KCNIP1: variants seen among roughly 807,000 people sequenced by gnomAD.
KCNIP1 encodes potassium voltage-gated channel interacting protein 1.
KCNIP1 carries 18 observed loss-of-function variants against 33.0 expected under a neutral mutation model. The observed-to-expected ratio is 0.55, with a 90% CI of 0.38 to 0.81. The LOEUF is 0.81. Among genes scored for constraint, KCNIP1 ranks in the 30% least tolerant of loss-of-function variants. The probability of loss-of-function intolerance (pLI) is 0.00; values close to 1 mark genes in which losing one functional copy is unlikely to be tolerated. For synonymous variants in KCNIP1, 93 were observed against 98.3 expected, an observed-to-expected ratio of 0.95 and a Z score of 0.32; for missense variants, 238 against 271.6, an observed-to-expected ratio of 0.88 and a Z score of 0.87.
In KCNIP1 at chr5:170,512,061, G is replaced by A. The variant is rs115606360; in HGVS notation, c.61+7428G>A. ...ATCTGTTTCCATTTCATCTGACACT[G>A]TGGAAGCCTGAATATGAAATGATTG... On this transcript the variant is annotated intron_variant, in intron 1 of 7. Transcript: ENST00000328939. Among the ~76,000 whole-genome samples the A allele has an allele frequency of 3.2e-3, 492 of 152,280 alleles. 2 individuals carry two copies. Among genetic ancestry groups the A allele is most frequent in the African/African-American group, 0.011 (464 of 41,556 alleles).
intron 1 of KCNIP1, among the ~76,000 whole-genome samples, chr5:170,591,349 G>A (rs1758252352): frequency 7.0e-6 from 1 of 143,662 alleles, no homozygotes; most frequent in African/African-American, 2.6e-5. Context: ...AGCGGTGGAA[G>A]CTCTACTTAG....
intron 1 of KCNIP1, among the ~76,000 whole-genome samples, chr5:170,709,300 T>G (rs538985565): frequency 6.6e-6 from 1 of 152,330 alleles, no homozygotes; most frequent in East Asian, 1.9e-4. Context: ...ATTCTATCAG[T>G]CTTTGCTTTA....
intron 1 of KCNIP1, among the ~76,000 whole-genome samples, chr5:170,471,542 G>A (rs1419804632): frequency 6.6e-6 from 1 of 152,186 alleles, no homozygotes; most frequent in Non-Finnish European, 1.5e-5. Flanking sequence ...AGCTGCCACA[G>A]TTACTAGTGG....
chr5:170,523,475 A>T (rs1755447055), intron 1 of KCNIP1, among the ~76,000 whole-genome samples: 1 of 152,204 alleles, frequency 6.6e-6, no homozygotes, highest in Non-Finnish European at 1.5e-5. Context: ...TGATTCTCAG[A>T]GTCGACTTTG....
At chr5:170,497,702 T>G (rs757243193) in intron 1 of KCNIP1, among the ~76,000 whole-genome samples, 2 of 152,206 alleles carry the variant, frequency 1.3e-5, no homozygotes, top group African/African-American at 4.8e-5. Flanking sequence ...CCAAGCATAG[T>G]GCTGGCACCC....
At chr5:170,487,976 G>A (rs1202343835) in intron 1 of KCNIP1, among the ~76,000 whole-genome samples, 2 of 152,116 alleles carry the variant, frequency 1.3e-5, no homozygotes, top group Non-Finnish European at 2.9e-5. Flanking sequence ...TTCCTCAAGA[G>A]TTAGCCCTTC....
intron 1 of KCNIP1, among the ~76,000 whole-genome samples, chr5:170,454,153 G>T (rs1445022921): frequency 6.6e-6 from 1 of 152,204 alleles, no homozygotes; most frequent in Non-Finnish European, 1.5e-5. Flanking sequence ...ATTCCTAGAA[G>T]AATAATTCAT....
intron 1 of KCNIP1, among the ~76,000 whole-genome samples, chr5:170,532,737 G>T (rs566326139): frequency 3.9e-5 from 6 of 152,250 alleles, no homozygotes; most frequent in African/African-American, 1.4e-4. Context: ...GGGAGTGTCT[G>T]CCTCCCCCTG....
intron 1 of KCNIP1, among the ~76,000 whole-genome samples, chr5:170,622,252 C>T (rs776752890): frequency 6.6e-6 from 1 of 152,114 alleles, no homozygotes; most frequent in Non-Finnish European, 1.5e-5. Flanking sequence ...AAGTTTAATT[C>T]AGTTATGGGT....
intron 1 of KCNIP1, among the ~76,000 whole-genome samples, chr5:170,713,805 T>C (rs1046477621): frequency 2.0e-5 from 3 of 152,024 alleles, no homozygotes; most frequent in Non-Finnish European, 4.4e-5. Context: ...GCAGATCACC[T>C]GAGGTCAGAA....
intron 1 of KCNIP1, among the ~76,000 whole-genome samples, chr5:170,689,726 G>T (rs1762657418): frequency 6.6e-6 from 1 of 152,208 alleles, no homozygotes; most frequent in Admixed American, 6.5e-5. Context: ...GGAGAGAAAA[G>T]CATGTTCAGG....
chr5:170,605,474 A>G (rs1346473279), intron 1 of KCNIP1, among the ~76,000 whole-genome samples: 1 of 152,238 alleles, frequency 6.6e-6, no homozygotes, highest in Middle Eastern at 3.2e-3. Flanking sequence ...GATGCAATTC[A>G]GTGGCATTAA....
chr5:170,442,294 G>C (rs751319479), intron 1 of KCNIP1, among the ~76,000 whole-genome samples: 11 of 152,216 alleles, frequency 7.2e-5, no homozygotes, highest in Non-Finnish European at 1.6e-4. Flanking sequence ...TGTGAAACTG[G>C]AGAGGTCATC....
intron 1 of KCNIP1, among the ~76,000 whole-genome samples, chr5:170,381,021 A>G (rs1190877977): frequency 6.6e-6 from 1 of 152,252 alleles, no homozygotes; most frequent in African/African-American, 2.4e-5. Flanking sequence ...TGACTTATCT[A>G]TGAAATTGCA....
chr5:170,471,372 A>G (rs1756722810), intron 1 of KCNIP1, among the ~76,000 whole-genome samples: 1 of 152,148 alleles, frequency 6.6e-6, no homozygotes, highest in African/African-American at 2.4e-5. Flanking sequence ...AGAAGAAACC[A>G]CTGTTTGGTG....
At chr5:170,437,809 C>G (rs35063288) in intron 1 of KCNIP1, among the ~76,000 whole-genome samples, 3 of 152,218 alleles carry the variant, frequency 2.0e-5, no homozygotes, top group Non-Finnish European at 2.9e-5. Context: ...CCCAAACCAT[C>G]CAGGTTTCCC....
chr5:170,367,613 G>A (rs2113301197), intron 1 of KCNIP1, among the ~76,000 whole-genome samples: 1 of 152,130 alleles, frequency 6.6e-6, no homozygotes, highest in South Asian at 2.1e-4. Flanking sequence ...AAAACCAAAG[G>A]AGACCTCTCT....
In KCNIP1 at chr5:170,439,517, G is replaced by A. The variant is rs541585833; in HGVS notation, c.88+85553G>A. Among the ~76,000 whole-genome samples, 3 of 152,264 alleles carry A rather than the reference G, an allele frequency of 2.0e-5. No homozygotes were observed. In the East Asian group the frequency reaches 5.8e-4, roughly 29 times the overall value. On this transcript the variant is annotated intron_variant, in intron 1 of 7. Coordinates refer to the KCNIP1 transcript ENST00000377360. ...GGGGGTGCGGAGCTTGGCACCACCT[G>A]GTGGTCTCAGCTGCCACTCCACACG...
intron 1 of KCNIP1, among the ~76,000 whole-genome samples, chr5:170,395,571 C>A (rs1754737805): frequency 6.6e-6 from 1 of 152,192 alleles, no homozygotes; most frequent in African/African-American, 2.4e-5. Flanking sequence ...GCCCAGATGT[C>A]ATTTTTCATG....
Sources: allele counts gnomAD v4.1 joint callset (sites outside exome capture counted in the v4.1 genomes callset), GRCh38; gene constraint gnomAD v4.1.1; transcripts MANE v1.5; gene names NCBI Gene and HGNC (gene_info 2026-07-23, HGNC 2026-07-21).